The following RBFOX3 variants were observed in gnomAD, a reference collection of about 807,000 sequenced individuals.
RBFOX3 encodes RNA binding protein fox-1 homolog 3.
A neutral mutation model predicts 48.7 loss-of-function variants in RBFOX3; 17 were observed. That is an observed-to-expected ratio of 0.35 (90% CI 0.24 to 0.52). RBFOX3 has a LOEUF of 0.52. Among genes scored for constraint, RBFOX3 ranks in the 20% least tolerant of loss-of-function variants. The probability of loss-of-function intolerance (pLI) is 0.94; values close to 1 mark genes in which losing one functional copy is unlikely to be tolerated. For synonymous variants in RBFOX3, 212 were observed against 209.5 expected (o/e 1.01, Z -0.10); for missense variants, 382 against 497.5 (o/e 0.77, Z 2.21).
At chr17:79,414,739 G>A (rs182204223) in intron 2 of RBFOX3, among the ~76,000 whole-genome samples, 17 of 152,324 alleles carry the variant, frequency 1.1e-4, no homozygotes, top group Non-Finnish European at 1.5e-4. Flanking sequence ...GGAAGACAGC[G>A]TGCCCACGGG....
the RBFOX3 span, among the ~76,000 whole-genome samples, chr17:79,626,900 C>T: frequency 1.3e-5 from 2 of 152,342 alleles, no homozygotes; most frequent in East Asian, 3.9e-4. Flanking sequence ...GTGGAAGACC[C>T]ATGGAAGCCT....
intron 14 of RBFOX3, chr17:79,092,716 A>G (rs1004755890): frequency 6.2e-5 from 50 of 803,614 alleles, no homozygotes; most frequent in Non-Finnish European, 7.2e-5. Context: ...AAGAAAAAAA[A>G]AAAGGAAAAA....
At chr17:79,659,373 G>A in the RBFOX3 span, among the ~76,000 whole-genome samples, 3 of 152,196 alleles carry the variant, frequency 2.0e-5, no homozygotes, top group Non-Finnish European at 4.4e-5. Context: ...AGATAGGGCA[G>A]GGAAGGTTGC....
intron 2 of RBFOX3, among the ~76,000 whole-genome samples, chr17:79,446,994 G>A (rs1478159077): frequency 2.0e-5 from 3 of 152,260 alleles, no homozygotes; most frequent in African/African-American, 7.2e-5. Context: ...ACGAGTACCT[G>A]AGGCACAGCC....
intron 5 of RBFOX3, among the ~76,000 whole-genome samples, chr17:79,112,560 G>T (rs547135419): frequency 4.1e-4 from 62 of 152,260 alleles, no homozygotes; most frequent in African/African-American, 1.3e-3. Context: ...GGGCTGCAGG[G>T]GCCACTGCTC....
intron 2 of RBFOX3, among the ~76,000 whole-genome samples, chr17:79,348,420 T>A (rs1446924641): frequency 2.6e-5 from 4 of 152,136 alleles, no homozygotes; most frequent in Non-Finnish European, 5.9e-5. Flanking sequence ...GCCAAAGCCA[T>A]AGCCCCATGC....
intron 2 of RBFOX3, among the ~76,000 whole-genome samples, chr17:79,440,480 A>C (rs1225665889): frequency 6.6e-6 from 1 of 152,136 alleles, no homozygotes; most frequent in African/African-American, 2.4e-5. Flanking sequence ...GCCGAAGCCC[A>C]GACCAGGGGA....
chr17:79,158,374 T>C (rs881529), intron 4 of RBFOX3, among the ~76,000 whole-genome samples: 46,206 of 152,146 alleles, frequency 0.3, 8,662 homozygotes, highest in African/African-American at 0.54. Flanking sequence ...TACTGTAGAA[T>C]GGGATAGCAA....
At chr17:79,134,077 C>T (rs1343793247) in intron 4 of RBFOX3, among the ~76,000 whole-genome samples, 4 of 152,304 alleles carry the variant, frequency 2.6e-5, no homozygotes, top group South Asian at 2.1e-4. Flanking sequence ...GTGGAGACGG[C>T]GGGAAGGCAG....
intron 2 of RBFOX3, among the ~76,000 whole-genome samples, chr17:79,341,445 G>A (rs984377519): frequency 6.6e-6 from 1 of 152,122 alleles, no homozygotes; most frequent in Non-Finnish European, 1.5e-5. Flanking sequence ...ACCAAGTTGT[G>A]CCCTCTTCGT....
At chr17:79,312,487 G>C (rs1253607127) in intron 2 of RBFOX3, among the ~76,000 whole-genome samples, 2 of 152,098 alleles carry the variant, frequency 1.3e-5, no homozygotes, top group Non-Finnish European at 2.9e-5. Flanking sequence ...GAGTCTGCCA[G>C]GCGCTGTCCT....
At chr17:79,509,272 G>C (rs1363466256) in intron 1 of RBFOX3, among the ~76,000 whole-genome samples, 1 of 152,256 alleles carries the variant, frequency 6.6e-6, no homozygotes, top group Admixed American at 6.5e-5. Flanking sequence ...GTGTTTCAGC[G>C]TGGGTGGCTG....
At chr17:79,642,181 A>G in the RBFOX3 span, among the ~76,000 whole-genome samples, 1 of 152,234 alleles carries the variant, frequency 6.6e-6, no homozygotes, top group African/African-American at 2.4e-5. Context: ...ATAAAAACAA[A>G]TAATAGAATG....
chr17:79,268,399 C>T (rs1600314109), intron 3 of RBFOX3, among the ~76,000 whole-genome samples: 1 of 152,288 alleles, frequency 6.6e-6, no homozygotes, highest in East Asian at 1.9e-4. Context: ...CTGAGTACCA[C>T]ACTCCTGACC....
chr17:79,611,220 C>G (rs2093967077), upstream of RBFOX3, among the ~76,000 whole-genome samples: 2 of 116,726 alleles, frequency 1.7e-5, no homozygotes, highest in Admixed American at 1.6e-4. Flanking sequence ...TCTCGTTCCT[C>G]TGGCTCGTTC....
chr17:79,373,173 TC>T (rs768639755), intron 2 of RBFOX3, among the ~76,000 whole-genome samples: 4 of 151,944 alleles, frequency 2.6e-5, no homozygotes, highest in Non-Finnish European at 5.9e-5. Flanking sequence ...TGCACCGGAC[TC>T]CCCCAGCTGT....
chr17:79,247,476 T>TA (rs1306672863), intron 3 of RBFOX3, among the ~76,000 whole-genome samples: 2 of 151,812 alleles, frequency 1.3e-5, no homozygotes, highest in African/African-American at 4.8e-5. Context: ...CAAGCCTGGG[T>TA]AATTTTTGTA....
chr17:79,138,902 ACACCCT>A (rs2041202891), intron 4 of RBFOX3, among the ~76,000 whole-genome samples: 2 of 45,276 alleles, frequency 4.4e-5, no homozygotes, highest in South Asian at 1.7e-3. Flanking sequence ...CAATGCATTC[ACACCCT>A]CACCCGCACA....
At chr17:79,279,945 G>A (rs573466971) in intron 3 of RBFOX3, among the ~76,000 whole-genome samples, 1 of 152,328 alleles carries the variant, frequency 6.6e-6, no homozygotes, top group South Asian at 2.1e-4. Flanking sequence ...GCGTGTCTGT[G>A]TGTGTGCCTG....
Sources: allele counts gnomAD v4.1 joint callset (sites outside exome capture counted in the v4.1 genomes callset), GRCh38; gene constraint gnomAD v4.1.1; transcripts MANE v1.5; gene names NCBI Gene and HGNC (gene_info 2026-07-23, HGNC 2026-07-21).